CDKAL1: variants seen among roughly 807,000 people sequenced by gnomAD.
The protein encoded by CDKAL1 is CDKAL1 threonylcarbamoyladenosine tRNA methylthiotransferase.
A neutral mutation model predicts 68.2 loss-of-function variants in CDKAL1; 32 were observed. The observed-to-expected ratio is 0.47, with a 90% CI of 0.35 to 0.63. The LOEUF is 0.63. CDKAL1 is among the 30% of genes least tolerant of loss of function. CDKAL1 has a pLI of 0.00. For synonymous variants in CDKAL1, 234 were observed against 244.3 expected, an observed-to-expected ratio of 0.96 and a Z score of 0.39; for missense variants, 606 against 696.7, an observed-to-expected ratio of 0.87 and a Z score of 1.47.
chr6:20,693,129 CAAAAAAAAAAAA>C (rs70990059), intron 5 of CDKAL1, among the ~76,000 whole-genome samples: 10 of 67,612 alleles, frequency 1.5e-4, no homozygotes, highest in South Asian at 1.1e-3. Flanking sequence ...GACTCTGTCT[CAAAAAAAAAAAA>C]AAAAAAAAAA....
intron 9 of CDKAL1, among the ~76,000 whole-genome samples, chr6:20,937,025 C>G (rs1229206168): frequency 6.6e-6 from 1 of 152,174 alleles, no homozygotes; most frequent in African/African-American, 2.4e-5. Flanking sequence ...CCCAGAGTTA[C>G]AGAAGTGTTA....
At chr6:20,571,445 C>G (rs1764698238) in intron 4 of CDKAL1, among the ~76,000 whole-genome samples, 1 of 151,940 alleles carries the variant, frequency 6.6e-6, no homozygotes, top group African/African-American at 2.4e-5. Flanking sequence ...TCTCCCTGTT[C>G]TCTTATCTAG....
At chr6:20,606,554 A>T (rs1352298265) in intron 4 of CDKAL1, among the ~76,000 whole-genome samples, 2 of 152,230 alleles carry the variant, frequency 1.3e-5, no homozygotes, top group African/African-American at 4.8e-5. Flanking sequence ...ATACAGGGTG[A>T]GAAAAGTGAA....
chr6:21,039,963 C>T (rs1769827403), intron 11 of CDKAL1, among the ~76,000 whole-genome samples: 1 of 152,148 alleles, frequency 6.6e-6, no homozygotes, highest in East Asian at 1.9e-4. Flanking sequence ...TAAGTCAGTT[C>T]CCATGAACAG....
chr6:20,746,321 T>G (rs1773663189), intron 6 of CDKAL1, among the ~76,000 whole-genome samples: 1 of 152,208 alleles, frequency 6.6e-6, no homozygotes, highest in African/African-American at 2.4e-5. Flanking sequence ...ATTTCTACCT[T>G]TGGGGAAGAA....
chr6:20,710,066 G>A (rs1456244219), intron 5 of CDKAL1, among the ~76,000 whole-genome samples: 2 of 152,140 alleles, frequency 1.3e-5, no homozygotes, highest in Non-Finnish European at 2.9e-5. Context: ...TCTAAAGACT[G>A]TTGATTTCCT....
At chr6:20,765,094 G>T (rs570503300) in intron 7 of CDKAL1, among the ~76,000 whole-genome samples, 21 of 151,286 alleles carry the variant, frequency 1.4e-4, no homozygotes, top group African/African-American at 4.9e-4. Context: ...TTTACTATTT[G>T]ATTACAGTTT....
intron 4 of CDKAL1, among the ~76,000 whole-genome samples, chr6:20,550,751 T>C (rs1406221895): frequency 3.3e-5 from 5 of 152,124 alleles, no homozygotes; most frequent in Non-Finnish European, 5.9e-5. Flanking sequence ...ATTCGAATGC[T>C]TTGTGACAGG....
At chr6:20,789,058 G>A (rs1157600970) in intron 8 of CDKAL1, among the ~76,000 whole-genome samples, 1 of 152,160 alleles carries the variant, frequency 6.6e-6, no homozygotes, top group Non-Finnish European at 1.5e-5. Context: ...ATAGATGATT[G>A]TTTTGTAGAA....
intron 4 of CDKAL1, chr6:20,559,680 G>A (rs1174096207): frequency 1.3e-5 from 2 of 152,152 alleles, no homozygotes; most frequent in Non-Finnish European, 2.9e-5. Context: ...GCTGAAGTGT[G>A]TTAAGATGCC....
intron 13 of CDKAL1, among the ~76,000 whole-genome samples, chr6:21,158,495 G>T (rs985131299): frequency 9.9e-5 from 15 of 152,202 alleles, no homozygotes; most frequent in Non-Finnish European, 2.2e-4. Flanking sequence ...AAAGGGTCAT[G>T]ATGAAGCTCC....
chr6:21,015,345 A>C (rs566496153), intron 11 of CDKAL1, among the ~76,000 whole-genome samples: 1 of 152,298 alleles, frequency 6.6e-6, no homozygotes, highest in South Asian at 2.1e-4. Flanking sequence ...CTCAATTATT[A>C]TTTAAAGCAA....
intron 10 of CDKAL1, among the ~76,000 whole-genome samples, chr6:20,996,954 C>A (rs1229421245): frequency 6.6e-6 from 1 of 152,178 alleles, no homozygotes; most frequent in African/African-American, 2.4e-5. Flanking sequence ...TGTTTGTTTA[C>A]CTGGTCGAGC....
intron 9 of CDKAL1, among the ~76,000 whole-genome samples, chr6:20,853,389 A>AC (rs1219946473): frequency 0.096 from 5,117 of 53,276 alleles, 258 homozygotes; most frequent in African/African-American, 0.16. Flanking sequence ...CAAAAAACAA[A>AC]ACAAAAAAAA....
At chr6:20,754,338 G>GT (rs1214421402) in intron 6 of CDKAL1, among the ~76,000 whole-genome samples, 1 of 152,182 alleles carries the variant, frequency 6.6e-6, no homozygotes, top group East Asian at 1.9e-4. Context: ...ATCTCATTGT[G>GT]TTTTTTCAGT....
intron 15 of CDKAL1, among the ~76,000 whole-genome samples, chr6:21,203,355 G>A (rs1778770238): frequency 6.8e-6 from 1 of 147,040 alleles, no homozygotes; most frequent in African/African-American, 2.5e-5. Context: ...TCATGCCTCA[G>A]CCTCCTGAGT....
At chr6:20,769,814 C>T (rs1302712281) in intron 7 of CDKAL1, among the ~76,000 whole-genome samples, 1 of 152,070 alleles carries the variant, frequency 6.6e-6, no homozygotes, top group Non-Finnish European at 1.5e-5. Flanking sequence ...ATTTCTACTC[C>T]ACAGGAAGCC....
chr6:20,939,345 C>T (rs909442907), intron 9 of CDKAL1, among the ~76,000 whole-genome samples: 2 of 152,118 alleles, frequency 1.3e-5, no homozygotes, highest in African/African-American at 4.8e-5. Context: ...CTTTCTAGGA[C>T]CTCAGCTTAA....
chr6:21,014,640 G>A (rs898818718), intron 11 of CDKAL1, among the ~76,000 whole-genome samples: 1 of 150,486 alleles, frequency 6.6e-6, no homozygotes. Flanking sequence ...TTCTCATGTT[G>A]TAGGGTAATA....
Sources: allele counts gnomAD v4.1 joint callset (sites outside exome capture counted in the v4.1 genomes callset), GRCh38; gene constraint gnomAD v4.1.1; transcripts MANE v1.5; gene names NCBI Gene and HGNC (gene_info 2026-07-23, HGNC 2026-07-21).